The following ANP32A variants were observed in gnomAD, a reference collection of about 807,000 sequenced individuals.
ANP32A encodes the protein acidic nuclear phosphoprotein 32 family member A, also known as acidic leucine-rich nuclear phosphoprotein 32 family member A.
In ANP32A, 1 loss-of-function variant was observed where a neutral mutation model predicts 33.9. That is an observed-to-expected ratio of 0.03 (90% CI 0.01 to 0.14). The LOEUF (loss-of-function observed/expected upper bound fraction) is 0.14. Ranked by LOEUF, ANP32A falls within the 10% of genes least tolerant of loss-of-function variation. The pLI is 1.00. For synonymous variants in ANP32A, 115 were observed against 120.5 expected, an observed-to-expected ratio of 0.95 and a Z score of 0.30; for missense variants, 155 against 306.0, an observed-to-expected ratio of 0.51 and a Z score of 3.68.
intron 1 of ANP32A, among the ~76,000 whole-genome samples, chr15:68,799,773 A>C (rs547129909): frequency 6.6e-6 from 1 of 152,352 alleles, no homozygotes; most frequent in Admixed American, 6.5e-5. Flanking sequence ...CAACCAGGGT[A>C]GGAAGGCATC....
intron 1 of ANP32A, chr15:68,801,721 T>A (rs1425013566): frequency 6.5e-6 from 1 of 154,364 alleles, no homozygotes; most frequent in African/African-American, 2.4e-5. Context: ...TGTTCTGCCA[T>A]TTTTTTCCTT....
At chr15:68,799,512 A>C (rs1894103394) in intron 1 of ANP32A, among the ~76,000 whole-genome samples, 1 of 152,208 alleles carries the variant, frequency 6.6e-6, no homozygotes, top group South Asian at 2.1e-4. Context: ...AAACCAAAAA[A>C]CTATGAAGAG....
chr15:68,810,369 A>G (rs1239188860), intron 1 of ANP32A, among the ~76,000 whole-genome samples: 1 of 152,172 alleles, frequency 6.6e-6, no homozygotes, highest in Non-Finnish European at 1.5e-5. Flanking sequence ...GCATGTTTTA[A>G]ACAGACAAGA....
At chr15:68,813,868 G>GTTTTTTT (rs34385351) in intron 1 of ANP32A, among the ~76,000 whole-genome samples, 18 of 118,328 alleles carry the variant, frequency 1.5e-4, no homozygotes, top group South Asian at 2.9e-4. Flanking sequence ...TTTCCAGGAA[G>GTTTTTTT]TTTTTTTTTT....
chr15:68,807,620 C>G (rs1894253225), intron 1 of ANP32A, among the ~76,000 whole-genome samples: 1 of 152,166 alleles, frequency 6.6e-6, no homozygotes, highest in South Asian at 2.1e-4. Context: ...TCATTCAAGC[C>G]CTGACGGGTA....
chr15:68,799,176 C>T lies in ANP32A; in HGVS notation c.55-11257G>A, dbSNP rs186834908. 1.8e-3 allele frequency among the ~76,000 whole-genome samples: 271 copies of T among 152,240 alleles called. 1 individual carries two copies. In the Middle Eastern group the frequency reaches 0.024, roughly 13 times the overall value. On this transcript the variant is annotated intron_variant, in intron 1 of 6. Coordinates refer to ENST00000465139, the MANE Select transcript of ANP32A (RefSeq NM_006305.4). The stretch of plus-strand genomic sequence containing the variant: ...AAGAAATGCTAGCAGTATATGTTAA[C>T]TCCATATTTCTAATTGGAAGGAGGA...
chr15:68,817,148 GAGGACCCGACGCGACGA>G (rs1894393277), intron 1 of ANP32A, among the ~76,000 whole-genome samples: 2 of 152,238 alleles, frequency 1.3e-5, no homozygotes, highest in Admixed American at 1.3e-4. Context: ...GCCAGCATCG[GAGGACCCGACGCGACGA>G]ATTGCCTGGC....
rs976796549 is a variant in ANP32A, at chr15:68,820,880, A to G, written c.-129T>C. ...TCCGCTCGGTTCTCGAGCCCCCAGC[A>G]CCCGCGGCGCACACTAACCTGATCG... On this transcript the variant is annotated 5_prime_UTR_variant, in exon 1 of 7. Coordinates refer to ENST00000465139, the MANE Select transcript of ANP32A (RefSeq NM_006305.4). 3.0e-5 allele frequency: 33 copies of G among 1,106,498 alleles called. No homozygotes were observed. The highest frequency in any genetic ancestry group is 4.1e-5 in the Non-Finnish European group (31 of 756,858). 68.5% of individuals were successfully genotyped at this position (1,106,498 alleles called of 1,614,324 possible).
chr15:68,797,013 T>C (rs1894072104), intron 1 of ANP32A, among the ~76,000 whole-genome samples: 1 of 152,140 alleles, frequency 6.6e-6, no homozygotes. Flanking sequence ...ATCTGGGACA[T>C]GGGGCAGTTA....
intron 1 of ANP32A, among the ~76,000 whole-genome samples, chr15:68,804,650 G>A (rs1295406360): frequency 6.6e-6 from 1 of 151,956 alleles, no homozygotes; most frequent in South Asian, 2.1e-4. Context: ...TGAGTAGCTG[G>A]GATTACAGGC....
At chr15:68,805,102 C>T (rs1349590795) in intron 1 of ANP32A, among the ~76,000 whole-genome samples, 2 of 152,228 alleles carry the variant, frequency 1.3e-5, no homozygotes, top group Non-Finnish European at 2.9e-5. Flanking sequence ...AGTCCTGCCT[C>T]ACCATCTCTG....
At chr15:68,781,054 G>T (rs1034988052) in intron 5 of ANP32A, 3 of 152,506 alleles carry the variant, frequency 2.0e-5, no homozygotes, top group Admixed American at 6.5e-5. Flanking sequence ...ATTCCCAACC[G>T]GCTTGAGATT....
intron 5 of ANP32A, chr15:68,781,477 G>A (rs1893866488): frequency 6.8e-6 from 1 of 146,854 alleles, no homozygotes; most frequent in South Asian, 2.1e-4. Context: ...CCCTGTTCTA[G>A]GGGAACCTGT....
Position 68,778,653 on chromosome 15 carries a change from T to C in ANP32A, c.*1428A>G, listed in dbSNP as rs188957756. The C allele has an allele frequency of 2.0e-5, 3 of 152,254 alleles. No individual in the cohort carries two copies. Among genetic ancestry groups the C allele is most frequent in the African/African-American group, 7.2e-5 (3 of 41,510 alleles). 9.4% of individuals were successfully genotyped at this position (152,254 alleles called of 1,614,324 possible). ...ACAAGGTTCCAAGGTTGGCCCAACT[T>C]GATTGTTTGGGTACTTGTTTTTTTA... On this transcript the variant is annotated 3_prime_UTR_variant, in exon 7 of 7. Coordinates refer to ENST00000465139, the MANE Select transcript of ANP32A (RefSeq NM_006305.4).
chr15:68,810,016 C>A (rs1894291199), intron 1 of ANP32A, among the ~76,000 whole-genome samples: 1 of 152,190 alleles, frequency 6.6e-6, no homozygotes, highest in East Asian at 1.9e-4. Flanking sequence ...GGCAAAAGAA[C>A]TAGATCTAAA....
chr15:68,814,888 G>A (rs899858715), intron 1 of ANP32A, among the ~76,000 whole-genome samples: 1 of 152,276 alleles, frequency 6.6e-6, no homozygotes, highest in Non-Finnish European at 1.5e-5. Context: ...AGCTCTAACC[G>A]TTGCAACCCA....
chr15:68,816,557 G>A (rs1894384887), intron 1 of ANP32A, among the ~76,000 whole-genome samples: 1 of 152,076 alleles, frequency 6.6e-6, no homozygotes, highest in South Asian at 2.1e-4. Flanking sequence ...GTAATGCCTG[G>A]AAGCACCCTG....
intron 1 of ANP32A, among the ~76,000 whole-genome samples, chr15:68,802,934 G>C (rs528329172): frequency 6.6e-6 from 1 of 152,176 alleles, no homozygotes; most frequent in East Asian, 1.9e-4. Flanking sequence ...GATTACAGAC[G>C]TGAGCCATTG....
At chr15:68,782,298 T>TA (rs1893879896) in intron 5 of ANP32A, among the ~76,000 whole-genome samples, 1 of 152,186 alleles carries the variant, frequency 6.6e-6, no homozygotes, top group Admixed American at 6.5e-5. Flanking sequence ...GCATTTTACT[T>TA]ACACTTCACT....
Sources: gnomAD v4.1 joint callset for allele counts (sites outside exome capture counted in the v4.1 genomes callset) on GRCh38, gnomAD v4.1.1 for gene constraint, MANE v1.5 for transcripts, NCBI Gene and HGNC (gene_info 2026-07-23, HGNC 2026-07-21) for gene names.